Variants in BICDL1 observed in about 807,000 individuals in gnomAD.
BICDL1 encodes BICD family like cargo adaptor 1, also known as BICD family-like cargo adapter 1.
BICDL1 carries 20 observed loss-of-function variants against 76.8 expected under a neutral mutation model. That is an observed-to-expected ratio of 0.26 (90% CI 0.18 to 0.38). The LOEUF (loss-of-function observed/expected upper bound fraction) is 0.38, where lower values mean the gene tolerates loss of function less well. BICDL1 is among the 10% of genes least tolerant of loss of function. BICDL1 has a pLI of 1.00. For missense variants in BICDL1, 700 were observed against 798.6 expected, an observed-to-expected ratio of 0.88 and a Z score of 1.49; for synonymous variants, 383 against 337.1, an observed-to-expected ratio of 1.14 and a Z score of -1.49.
In BICDL1 at chr12:120,054,019, A is replaced by T. The variant is rs544678329; in HGVS notation, c.646-7691A>T. 7.0e-5 allele frequency among the ~76,000 whole-genome samples: 10 copies of T among 142,654 alleles called. No individual in the cohort carries two copies. In the East Asian group the frequency reaches 7.8e-4, roughly 11 times the overall value. The allele number at this position is 142,654 out of a possible 152,430, so 93.6% of individuals were successfully genotyped here. On this transcript the variant is annotated intron_variant, in intron 2 of 9. Transcript: ENST00000548673. ...GAAACCCTGTCTCTACTAAAAATATAAAAAAAATAAGCCAGGCATGGTGGT... is the reference window on the plus strand; with the variant it reads ...GAAACCCTGTCTCTACTAAAAATATTAAAAAAATAAGCCAGGCATGGTGGT...
chr12:120,050,958 T>C (rs937615448), intron 2 of BICDL1, among the ~76,000 whole-genome samples: 1 of 152,074 alleles, frequency 6.6e-6, no homozygotes, highest in Non-Finnish European at 1.5e-5. Flanking sequence ...AGTTATTATT[T>C]TGTATTTCTA....
chr12:120,014,438 A>G (rs1003582830), intron 2 of BICDL1, among the ~76,000 whole-genome samples: 1 of 152,218 alleles, frequency 6.6e-6, no homozygotes, highest in Non-Finnish European at 1.5e-5. Context: ...TCACGTCTGT[A>G]ATCTCAGCAC....
At chr12:120,008,424 G>C (rs1444533291) in intron 2 of BICDL1, among the ~76,000 whole-genome samples, 4 of 152,122 alleles carry the variant, frequency 2.6e-5, no homozygotes, top group Admixed American at 2.6e-4. Flanking sequence ...CTCCCAAAAT[G>C]CTGGGATTAC....
At chr12:119,991,909 C>T (rs1040629137) in intron 1 of BICDL1, among the ~76,000 whole-genome samples, 4 of 152,128 alleles carry the variant, frequency 2.6e-5, no homozygotes, top group African/African-American at 4.8e-5. Context: ...TTATCTTTGA[C>T]ATTTTGTTAT....
intron 1 of BICDL1, among the ~76,000 whole-genome samples, chr12:119,994,017 C>T (rs1042177498): frequency 9.2e-5 from 14 of 152,162 alleles, no homozygotes; most frequent in Non-Finnish European, 1.9e-4. Context: ...TAGCTTTTTC[C>T]CCAGAATATG....
At chr12:120,077,865 A>G (rs1291440940) in intron 7 of BICDL1, among the ~76,000 whole-genome samples, 1 of 146,332 alleles carries the variant, frequency 6.8e-6, no homozygotes, top group Non-Finnish European at 1.5e-5. Context: ...CGCCCCTTAC[A>G]AGTTCTGGGT....
intron 2 of BICDL1, among the ~76,000 whole-genome samples, chr12:120,006,449 T>C (rs754628415): frequency 2.0e-5 from 3 of 152,158 alleles, no homozygotes; most frequent in Non-Finnish European, 2.9e-5. Context: ...GCATTCCCTG[T>C]CTGAAAATAA....
intron 2 of BICDL1, among the ~76,000 whole-genome samples, chr12:120,059,878 A>G (rs1476854516): frequency 2.0e-5 from 3 of 150,554 alleles, no homozygotes; most frequent in African/African-American, 7.4e-5. Flanking sequence ...ATGCCTAGCT[A>G]ATTTTTGTAT....
At chr12:119,998,204 G>A (rs1951690435) in intron 1 of BICDL1, among the ~76,000 whole-genome samples, 1 of 152,124 alleles carries the variant, frequency 6.6e-6, no homozygotes, top group African/African-American at 2.4e-5. Context: ...TAAATGTATA[G>A]TTCACCAATT....
chr12:120,008,289 G>A (rs1395349080), intron 2 of BICDL1, among the ~76,000 whole-genome samples: 1 of 151,294 alleles, frequency 6.6e-6, no homozygotes, highest in Non-Finnish European at 1.5e-5. Context: ...CTCCCAGGTG[G>A]CTGGGACTAC....
At chr12:120,091,567 A>G (rs1411059787) in intron 9 of BICDL1, 2 of 984,812 alleles carry the variant, frequency 2.0e-6, no homozygotes, top group Non-Finnish European at 2.4e-6. Context: ...CTGAGGGGCA[A>G]GTGGAAAAGG....
Position 119,989,976 on chromosome 12 carries a change from T to A in BICDL1, c.108T>A (p.Ser36Arg). ...LPAAAGDAVR[S>R]PAAAAALIFP... ...CCGCGGCCGGGGACGCAGTCCGGAG[T>A]CCCGCCGCCGCCGCCGCCCTCATCT... The change falls in exon 1 of 10, where the codon AGT (serine) becomes AGA (arginine). Residue 36 changes from serine (S) to arginine (R), a missense_variant. Ser to Arg is a moderately radical substitution (Grantham distance 110). Coordinates refer to ENST00000548673, the MANE Select transcript of BICDL1 (RefSeq NM_001367886.1). 6.8e-7 allele frequency: 1 copy of A among 1,467,948 alleles called. No homozygotes were observed. The highest frequency in any genetic ancestry group is 2.7e-5 in the East Asian group (1 of 37,534). 90.9% of individuals were successfully genotyped at this position (1,467,948 alleles called of 1,614,324 possible).
chr12:120,082,737 T>A (rs560500952), intron 8 of BICDL1, among the ~76,000 whole-genome samples: 1 of 151,642 alleles, frequency 6.6e-6, no homozygotes, highest in South Asian at 2.1e-4. Flanking sequence ...CCGGGCAGAT[T>A]TTTGTATTTT....
chr12:120,066,281 C>A (rs771218997), intron 4 of BICDL1, among the ~76,000 whole-genome samples: 2 of 152,164 alleles, frequency 1.3e-5, no homozygotes, highest in Non-Finnish European at 2.9e-5. Flanking sequence ...CAGTTCCTGA[C>A]CAGCATTTAT....
At chr12:120,057,049 G>A (rs917650699) in intron 2 of BICDL1, 1 of 518,044 alleles carries the variant, frequency 1.9e-6, no homozygotes, top group Non-Finnish European at 3.9e-6. Flanking sequence ...ATGCCTTAGA[G>A]GAAGAGAGCT....
At chr12:120,007,348 G>A (rs943380759) in intron 2 of BICDL1, among the ~76,000 whole-genome samples, 1 of 152,142 alleles carries the variant, frequency 6.6e-6, no homozygotes, top group African/African-American at 2.4e-5. Context: ...AGCCATCTGA[G>A]CTCTCTCAGG....
At position 119,990,045 on chromosome 12, in the gene BICDL1, G is replaced by A. The variant is rs868637098; in HGVS notation, c.177G>A (p.Glu59=). ...SGELELALEE[E]LALLAAGERP... ...AGCTAGAACTGGCGTTAGAGGAGGA[G>A]CTGGCGCTGCTGGCGGCCGGGGAGC... The change falls in exon 1 of 10, where the codon GAG becomes GAA. Residue 59 remains glutamate (E), a synonymous_variant. Coordinates refer to ENST00000548673, the MANE Select transcript of BICDL1 (RefSeq NM_001367886.1). 2.0e-6 allele frequency: 3 copies of A among 1,531,942 alleles called. 1 individual carries two copies. The South Asian group carries it at 3.6e-5, about 19-fold the overall frequency. The allele number at this position is 1,531,942 out of a possible 1,614,324, so 94.9% of individuals were successfully genotyped here. A position where few individuals can be genotyped will look rare whatever the true frequency, so the allele number is the denominator to read the frequency against.
At chr12:120,036,082 G>T (rs1952525275) in intron 2 of BICDL1, among the ~76,000 whole-genome samples, 1 of 152,120 alleles carries the variant, frequency 6.6e-6, no homozygotes, top group Non-Finnish European at 1.5e-5. Flanking sequence ...AATATTCACA[G>T]ATCTGTTTCA....
Position 120,061,727 on chromosome 12 carries a change from A to C in BICDL1, c.663A>C (p.Arg221Ser). ...TGTTTCAGGCATCAGAAGTTGAGAG[A>C]CAACTCTCCATGCAGGTCCACGCCC... is the stretch of plus-strand genomic sequence containing the variant. ...DQLSRASEVERQLSMQVHALR... is the reference protein window; with the variant it reads ...DQLSRASEVESQLSMQVHALR... The change falls in exon 3 of 10, where the codon AGA (arginine) becomes AGC (serine). Residue 221 changes from arginine to serine, a missense_variant. Transcript: ENST00000548673. The C allele has an allele frequency of 1.9e-6, 3 of 1,613,972 alleles. No homozygotes were observed. The highest frequency in any genetic ancestry group is 2.5e-6 in the Non-Finnish European group (3 of 1,179,790).
Sources: allele counts gnomAD v4.1 joint callset (sites outside exome capture counted in the v4.1 genomes callset), GRCh38; gene constraint gnomAD v4.1.1; transcripts MANE v1.5; gene names NCBI Gene and HGNC (gene_info 2026-07-23, HGNC 2026-07-21).